RAB11B: variants seen among roughly 807,000 people sequenced by gnomAD.
The protein encoded by RAB11B is RAB11B, member RAS oncogene family, also known as ras-related protein Rab-11B.
A neutral mutation model predicts 23.7 loss-of-function variants in RAB11B; 7 were observed. The observed-to-expected ratio is 0.29, with a 90% confidence interval of 0.17 to 0.55. The LOEUF is 0.55. Among genes scored for constraint, RAB11B ranks in the 20% least tolerant of loss-of-function variants. The pLI is 0.93. For synonymous variants in RAB11B, 138 were observed against 132.0 expected, an observed-to-expected ratio of 1.05 and a Z score of -0.31; for missense variants, 189 against 320.0, an observed-to-expected ratio of 0.59 and a Z score of 3.12.
rs1381302451 is a variant in RAB11B, at chr19:8,396,934, G to T, written c.41-2929G>T. Among the ~76,000 whole-genome samples, 1 of 152,220 alleles carries T rather than the reference G, an allele frequency of 6.6e-6. No homozygotes were observed. The highest frequency in any genetic ancestry group is 1.5e-5 in the Non-Finnish European group (1 of 68,046). ...GACCGCACAGACAATACCTTCCAGG[G>T]TCTGAGAGTCTGGAATGGAATCGCC... On this transcript the variant is annotated intron_variant, in intron 1 of 4. Coordinates refer to ENST00000328024, the MANE Select transcript of RAB11B (RefSeq NM_004218.4). The surrounding 1 kb of genome is among the most constrained non-coding windows in gnomAD (Gnocchi z 5.0).
chr19:8,399,103 C>T (rs1211965112), intron 1 of RAB11B, among the ~76,000 whole-genome samples: 1 of 152,106 alleles, frequency 6.6e-6, no homozygotes, highest in Non-Finnish European at 1.5e-5. Flanking sequence ...CAGGCGCCCG[C>T]TACCACACCC....
Position 8,402,516 on chromosome 19 carries a change from A to C in RAB11B, c.462A>C (p.Ser154=). 6.2e-7 allele frequency: 1 copy of C among 1,614,104 alleles called. No individual in the cohort carries two copies. Among genetic ancestry groups the C allele is most frequent in the Non-Finnish European group, 8.5e-7 (1 of 1,179,928 alleles). ...EKNNLSFIET[S]ALDSTNVEEA... is the part of the protein sequence containing the mutation. ...ACAACTTGTCCTTCATCGAGACCTC[A>C]GCCTTGGATTCCACTAACGTAGAGG... Residue 154 remains serine, a synonymous_variant, in exon 4 of 5, where the codon TCA becomes TCC. Coordinates refer to ENST00000328024, the MANE Select transcript of RAB11B (RefSeq NM_004218.4).
At chr19:8,398,834 T>G (rs1161622700) in intron 1 of RAB11B, among the ~76,000 whole-genome samples, 1 of 152,054 alleles carries the variant, frequency 6.6e-6, no homozygotes, top group Non-Finnish European at 1.5e-5. Context: ...TAGGCTGGAG[T>G]GCAGTGATTC....
intron 1 of RAB11B, among the ~76,000 whole-genome samples, chr19:8,394,637 C>A (rs1204467396): frequency 6.6e-6 from 1 of 152,080 alleles, no homozygotes; most frequent in Non-Finnish European, 1.5e-5. Context: ...TGCTTGAGGG[C>A]AAAACTGATG....
intron 1 of RAB11B, among the ~76,000 whole-genome samples, chr19:8,393,564 G>C (rs1200022779): frequency 6.6e-6 from 1 of 152,238 alleles, no homozygotes; most frequent in Non-Finnish European, 1.5e-5. Context: ...TGGGCCTGCT[G>C]TTCCAGTTGC....
At chr19:8,394,938 CAAAA>C (rs1971385011) in intron 1 of RAB11B, among the ~76,000 whole-genome samples, 1 of 152,136 alleles carries the variant, frequency 6.6e-6, no homozygotes, top group Admixed American at 6.5e-5. Context: ...TACAAACAAA[CAAAA>C]ACAAACAAAC....
In RAB11B at chr19:8,396,437, G is replaced by T. The variant is rs1316035441; in HGVS notation, c.41-3426G>T. ...GCAAAAGATAAATGCCACCTGACAG[G>T]TGAGAGAGTGGCAAGAGTGACGGAG... is the stretch of plus-strand genomic sequence containing the variant. On this transcript the variant is annotated intron_variant, in intron 1 of 4. Coordinates refer to ENST00000328024, the MANE Select transcript of RAB11B (RefSeq NM_004218.4). The surrounding 1 kb of genome is among the most constrained non-coding windows in gnomAD (Gnocchi z 5.0). Among the ~76,000 whole-genome samples the T allele has an allele frequency of 6.6e-6, 1 of 152,230 alleles. No individual in the cohort carries two copies.
chr19:8,403,509 C>T lies in RAB11B; in HGVS notation c.608C>T (p.Thr203Ile), dbSNP rs1418126002. The change falls in exon 5 of 5, where the codon ACC becomes ATC. Residue 203 changes from threonine to isoleucine, a missense_variant. By Grantham distance (89) the Thr-to-Ile change is moderately conservative. Coordinates refer to ENST00000328024, the MANE Select transcript of RAB11B (RefSeq NM_004218.4). Reference sequence around the variant, plus strand: ...GTGGTGGACATCAGCGTGCCGCCCACCACGGACGGACAGAAGCCCAACAAG... The same window carrying T: ...GTGGTGGACATCAGCGTGCCGCCCATCACGGACGGACAGAAGCCCAACAAG... The part of the protein sequence containing the change: ...NNVVDISVPP[T>I]TDGQKPNKLQ... 1.2e-6 allele frequency: 2 copies of T among 1,613,896 alleles called. No homozygotes were observed. The highest frequency in any genetic ancestry group is 3.3e-5 in the Admixed American group (2 of 59,992).
In RAB11B at chr19:8,402,477, T is replaced by C. The variant is rs201481532; in HGVS notation, c.431-8T>C. ...CCCCACTCACCTAGGCAGTATTCTT[T>C]GTTCCAGAAAAGAACAACTTGTCCT... is the stretch of plus-strand genomic sequence containing the variant. On this transcript the variant is annotated splice_polypyrimidine_tract_variant and splice_region_variant and intron_variant, in intron 3 of 4. Coordinates refer to ENST00000328024, the MANE Select transcript of RAB11B (RefSeq NM_004218.4). 2.5e-3 allele frequency: 4,001 copies of C among 1,612,482 alleles called. 18 individuals are homozygous for C. The highest frequency in any genetic ancestry group is 2.5e-3 in the Non-Finnish European group (2,943 of 1,178,540).
At chr19:8,403,288 C>G (rs748281932) in intron 4 of RAB11B, 125 bp from the exon 5 acceptor site, 1 of 1,262,682 alleles carries the variant, frequency 7.9e-7, no homozygotes, top group East Asian at 2.5e-5. Flanking sequence ...TCCTTGTTAC[C>G]CCTGATGTGA....
At chr19:8,400,367 C>T in intron 2 of RAB11B, 1 of 433,938 alleles carries the variant, frequency 2.3e-6, no homozygotes, top group African/African-American at 2.0e-5. Context: ...AGCTTCCCTC[C>T]TCACTGGTGC....
intron 1 of RAB11B, among the ~76,000 whole-genome samples, chr19:8,392,870 A>C (rs555273688): frequency 1.4e-4 from 21 of 151,382 alleles, no homozygotes; most frequent in Admixed American, 5.9e-4. Flanking sequence ...GTATTTTAGT[A>C]GATACGGGGT....
intron 4 of RAB11B, chr19:8,402,998 G>T: frequency 3.0e-6 from 1 of 336,136 alleles, no homozygotes; most frequent in Non-Finnish European, 5.5e-6. Flanking sequence ...CCTAACCTTT[G>T]CTTTTTAAAC....
chr19:8,397,964 C>CA (rs1971409261), intron 1 of RAB11B, among the ~76,000 whole-genome samples: 1 of 152,158 alleles, frequency 6.6e-6, no homozygotes, highest in South Asian at 2.1e-4. Flanking sequence ...CCAAGGCCCA[C>CA]ACTTGGGGGT....
chr19:8,397,613 C>T (rs1971406811), intron 1 of RAB11B, among the ~76,000 whole-genome samples: 1 of 151,932 alleles, frequency 6.6e-6, no homozygotes, highest in Admixed American at 6.6e-5. Flanking sequence ...CCTTCCAGTG[C>T]CCGAGGCAGG....
intron 1 of RAB11B, among the ~76,000 whole-genome samples, chr19:8,398,780 C>T (rs1971415230): frequency 6.6e-6 from 1 of 152,058 alleles, no homozygotes; most frequent in South Asian, 2.1e-4. Context: ...CCTTCCTGTG[C>T]GATGCCTGCT....
intron 1 of RAB11B, among the ~76,000 whole-genome samples, chr19:8,399,361 T>C (rs186788095): frequency 8.3e-4 from 126 of 152,320 alleles, no homozygotes; most frequent in African/African-American, 2.6e-3. Context: ...GCATTGAGAT[T>C]ACAGGCGGGA....
intron 1 of RAB11B, among the ~76,000 whole-genome samples, chr19:8,398,478 G>T (rs985518207): frequency 6.6e-6 from 1 of 152,218 alleles, no homozygotes; most frequent in South Asian, 2.1e-4. Flanking sequence ...CTTGAATGAG[G>T]ACTTAGCCTT....
chr19:8,394,357 T>C (rs1971380777), intron 1 of RAB11B, among the ~76,000 whole-genome samples: 1 of 152,262 alleles, frequency 6.6e-6, no homozygotes, highest in Admixed American at 6.5e-5. Flanking sequence ...GGTTTCGCCA[T>C]GTTGACAGGC....
Sources: gnomAD v4.1 joint callset for allele counts (sites outside exome capture counted in the v4.1 genomes callset) on GRCh38, gnomAD v4.1.1 for gene constraint, Gnocchi (gnomAD v3.1) non-coding constraint, MANE v1.5 for transcripts, NCBI Gene and HGNC (gene_info 2026-07-23, HGNC 2026-07-21) for gene names.